The following STAG2 variants were observed in gnomAD, a reference collection of about 807,000 sequenced individuals.
STAG2 encodes STAG2 cohesin complex component.
A neutral mutation model predicts 108.1 loss-of-function variants in STAG2; 14 were observed. The ratio of observed to expected loss-of-function variants is 0.13; its 90% CI spans 0.09 to 0.20. The LOEUF (loss-of-function observed/expected upper bound fraction) is 0.20, where lower values mean the gene tolerates loss of function less well. Among genes scored for constraint, STAG2 ranks in the 10% least tolerant of loss-of-function variants. The probability of loss-of-function intolerance (pLI) is 1.00; values close to 1 mark genes in which losing one functional copy is unlikely to be tolerated. For missense variants in STAG2, 440 were observed against 940.9 expected (o/e 0.47, Z 6.96); for synonymous variants, 307 against 302.7 (o/e 1.01, Z -0.15).
chrX:124,006,489 A>T (rs975785632), intron 1 of STAG2, among the ~76,000 whole-genome samples: 1 of 96,397 alleles, frequency 1.0e-5, no homozygotes, highest in African/African-American at 4.0e-5. Flanking sequence ...CCCAGGCTGG[A>T]GTGCAGTGGC....
At chrX:124,059,348 A>G (rs937158117) in intron 15 of STAG2, among the ~76,000 whole-genome samples, 2 of 112,129 alleles carry the variant, frequency 1.8e-5, no homozygotes, top group African/African-American at 6.5e-5. Context: ...TCCTGATCTT[A>G]TGGGAGAAGT....
At chrX:123,991,817 A>G (rs1459269278) in intron 1 of STAG2, among the ~76,000 whole-genome samples, 1 of 111,124 alleles carries the variant, frequency 9.0e-6, no homozygotes, top group East Asian at 2.8e-4. Flanking sequence ...GGTGCACGCC[A>G]CCACGCCCAG....
At position 124,033,911 on chromosome X, in the gene STAG2, A is replaced by AT. The variant is rs774717859; in HGVS notation, c.288+2787dup. On this transcript the variant is annotated intron_variant, in intron 5 of 34. Coordinates refer to ENST00000371145, the MANE Select transcript of STAG2 (RefSeq NM_001042750.2). ...TGAAGGCCTGTTTTCTGGTTCATAG[A>AT]TGGCATCCTCTTACTGTGTCCTCAC... is the stretch of plus-strand genomic sequence containing the variant. Among the ~76,000 whole-genome samples, 3 of 111,960 alleles carry AT rather than the reference A, an allele frequency of 2.7e-5. No individual in the cohort carries two copies. In the East Asian group the frequency reaches 8.4e-4, roughly 31 times the overall value.
chrX:124,088,692 G>A (rs1055791146), intron 30 of STAG2, among the ~76,000 whole-genome samples: 4 of 100,103 alleles, frequency 4.0e-5, no homozygotes, highest in Non-Finnish European at 8.0e-5. Context: ...TTGGCTCACC[G>A]CAACCTCCCC....
chrX:124,008,215 CTT>C (rs1198252142), intron 1 of STAG2, among the ~76,000 whole-genome samples: 6 of 97,424 alleles, frequency 6.2e-5, no homozygotes, highest in Admixed American at 3.3e-4. Context: ...AATTTTCTTT[CTT>C]TTTTTTTTTT....
At chrX:124,003,813 CTA>C (rs762092843) in intron 1 of STAG2, 2 of 111,611 alleles carry the variant, frequency 1.8e-5, no homozygotes, top group Admixed American at 1.9e-4. Flanking sequence ...AATTTAGTAA[CTA>C]TAATGATAAC....
chrX:123,974,916 C>CATCAT (rs1224496963), intron 1 of STAG2, among the ~76,000 whole-genome samples: 1 of 111,932 alleles, frequency 8.9e-6, no homozygotes, highest in Non-Finnish European at 1.9e-5. Flanking sequence ...CCCACACACT[C>CATCAT]ATCATATAAA....
chrX:124,064,638 T>G (rs1258598745), intron 20 of STAG2, among the ~76,000 whole-genome samples: 1 of 110,524 alleles, frequency 9.0e-6, no homozygotes, highest in Non-Finnish European at 1.9e-5. Flanking sequence ...GAGATGGGGT[T>G]TCACCACATT....
intron 1 of STAG2, among the ~76,000 whole-genome samples, chrX:123,987,927 A>G (rs768224573): frequency 8.9e-6 from 1 of 111,976 alleles, no homozygotes; most frequent in Non-Finnish European, 1.9e-5. Flanking sequence ...TATGGAGATG[A>G]AAAGTTGTGT....
chrX:124,051,290 A>G, intron 12 of STAG2, 25 bp from the exon 13 acceptor site: 1 of 1,176,369 alleles, frequency 8.5e-7, no homozygotes, highest in African/African-American at 1.8e-5. Flanking sequence ...TCCTTTTAAA[A>G]ATATTTTAAT....
intron 5 of STAG2, among the ~76,000 whole-genome samples, chrX:124,031,818 C>G (rs1389070467): frequency 9.2e-6 from 1 of 108,394 alleles, no homozygotes; most frequent in Non-Finnish European, 1.9e-5. Flanking sequence ...GCAACCTCCG[C>G]CTCCTGGGTT....
intron 1 of STAG2, among the ~76,000 whole-genome samples, chrX:123,973,139 A>G (rs757268206): frequency 9.0e-6 from 1 of 111,466 alleles, no homozygotes; most frequent in South Asian, 3.8e-4. Context: ...GCTGGGGTCC[A>G]TGAATGGGAT....
chrX:124,083,857 C>T (rs1205597126), intron 29 of STAG2, among the ~76,000 whole-genome samples: 1 of 111,919 alleles, frequency 8.9e-6, no homozygotes, highest in African/African-American at 3.2e-5. Context: ...AACTCCTGGG[C>T]TCCAGTGATT....
Position 124,078,091 on chromosome X carries a change from CAATT to C in STAG2, c.2775+36_2775+39del, listed in dbSNP as rs750010013. The C allele has an allele frequency of 3.5e-5, 35 of 996,032 alleles. No homozygotes were observed. In the African/African-American group the frequency reaches 4.6e-4, roughly 13 times the overall value. The allele number at this position is 996,032 out of a possible 1,213,427, so 82.1% of individuals were successfully genotyped here. On this transcript the variant is annotated intron_variant, in intron 27 of 34. Coordinates refer to ENST00000371145, the MANE Select transcript of STAG2 (RefSeq NM_001042750.2). ...TTAAGAGTACCAACTTTAGCTAACA[CAATT>C]AACACCTAATAGTTAGCAAAATAAG...
intron 6 of STAG2, among the ~76,000 whole-genome samples, chrX:124,038,617 G>A (rs1473568982): frequency 9.0e-6 from 1 of 111,318 alleles, no homozygotes. Flanking sequence ...AGTAACATTG[G>A]TAGAGTTTGA....
intron 29 of STAG2, among the ~76,000 whole-genome samples, chrX:124,084,583 G>A (rs376946677): frequency 1.8e-5 from 2 of 111,429 alleles, no homozygotes; most frequent in Non-Finnish European, 3.8e-5. Flanking sequence ...CTCGCAAAGT[G>A]CTGGGATTAC....
chrX:124,099,669 A>G (rs1348717538), intron 34 of STAG2, among the ~76,000 whole-genome samples: 1 of 112,047 alleles, frequency 8.9e-6, no homozygotes, highest in East Asian at 2.8e-4. Context: ...ACTTTTGTTC[A>G]TAGAACTTAT....
intron 25 of STAG2, among the ~76,000 whole-genome samples, chrX:124,072,975 C>T (rs1297113111): frequency 5.1e-5 from 5 of 97,366 alleles, no homozygotes; most frequent in Admixed American, 2.4e-4. Flanking sequence ...GAACTCTTGA[C>T]CTCAGGTCAT....
At chrX:124,063,424 A>G in intron 19 of STAG2, among the ~76,000 whole-genome samples, 1 of 111,571 alleles carries the variant, frequency 9.0e-6, no homozygotes, top group Non-Finnish European at 1.9e-5. Context: ...CTTAGCTATT[A>G]TATGACTATG....
Sources: allele counts gnomAD v4.1 joint callset (sites outside exome capture counted in the v4.1 genomes callset), GRCh38; gene constraint gnomAD v4.1.1; transcripts MANE v1.5; gene names NCBI Gene and HGNC (gene_info 2026-07-23, HGNC 2026-07-21).